Variants in DCN observed in about 807,000 individuals in gnomAD.
DCN encodes the protein bone proteoglycan II.
DCN carries 17 observed loss-of-function variants against 36.5 expected under a neutral mutation model. The observed-to-expected ratio is 0.47, with a 90% CI of 0.32 to 0.70. The LOEUF (loss-of-function observed/expected upper bound fraction) is 0.70, where lower values mean the gene tolerates loss of function less well. DCN is among the 30% of genes least tolerant of loss of function. The pLI is 0.04. For synonymous variants in DCN, 163 were observed against 161.4 expected (o/e 1.01, Z -0.07); for missense variants, 389 against 430.1 (o/e 0.90, Z 0.84).
chr12:91,162,608 T>A (rs1414920521), intron 3 of DCN, among the ~76,000 whole-genome samples: 1 of 152,290 alleles, frequency 6.6e-6, no homozygotes, highest in East Asian at 1.9e-4. Flanking sequence ...ATGTTTATGC[T>A]CCCAACATTA....
intron 2 of DCN, chr12:91,172,600 G>A (rs1464938509): frequency 2.1e-6 from 1 of 481,164 alleles, no homozygotes; most frequent in Non-Finnish European, 3.7e-6. Context: ...AAGCTTCCTG[G>A]TTTTACAGTT....
rs780984671 is a variant in DCN, at chr12:91,157,102, C to G, written c.625G>C (p.Asp209His). The change falls in exon 5 of 8, where the codon GAT becomes CAT. Residue 209 changes from aspartate (D) to histidine (H), a missense_variant. Physicochemically the swap from Asp to His is moderately conservative, Grantham distance 81. Transcript: ENST00000052754. ...TGAGGAATGCTGGTGATATTGGTATCAGCAATGCGGATGTAGGAGAGCTTC... is the reference window on the plus strand; with the variant it reads ...TGAGGAATGCTGGTGATATTGGTATGAGCAATGCGGATGTAGGAGAGCTTC... Reference protein sequence around the residue: ...MKKLSYIRIADTNITSIPQGL... With the variant: ...MKKLSYIRIAHTNITSIPQGL... The G allele has an allele frequency of 4.3e-6, 7 of 1,610,166 alleles. No individual in the cohort carries two copies. The African/African-American group carries it at 9.4e-5, about 22-fold the overall frequency.
intron 2 of DCN, chr12:91,175,219 A>C (rs1192114571): frequency 1.3e-5 from 2 of 152,080 alleles, no homozygotes; most frequent in East Asian, 3.8e-4. Flanking sequence ...AAAGAAGACA[A>C]GATATGGGTC....
chr12:91,146,163 C>G lies in DCN; in HGVS notation c.975G>C (p.Ser325=). 6.2e-7 allele frequency: 1 copy of G among 1,613,424 alleles called. No individual in the cohort carries two copies. Among genetic ancestry groups the G allele is most frequent in the Non-Finnish European group, 8.5e-7 (1 of 1,179,584 alleles). The change falls in exon 8 of 8, where the codon TCG becomes TCC. Residue 325 remains serine, a synonymous_variant. Transcript: ENST00000052754. Reference sequence around the variant, plus strand: ...CCGGGTTGCTGAAAAGACTCACACCCGAATAAGAAGCCTTTTTGGTGTTGT... The same window carrying G: ...CCGGGTTGCTGAAAAGACTCACACCGGAATAAGAAGCCTTTTTGGTGTTGT... ...PGHNTKKASY[S]GVSLFSNPVQ...
chr12:91,182,275 T>A (rs922610396), intron 1 of DCN, among the ~76,000 whole-genome samples: 1 of 152,034 alleles, frequency 6.6e-6, no homozygotes, highest in Non-Finnish European at 1.5e-5. Context: ...GAAAAATACA[T>A]TTTTTAAATA....
In DCN at chr12:91,146,090, G is replaced by A. The variant is rs751102416; in HGVS notation, c.1048C>T (p.Arg350Cys). Residue 350 changes from arginine (R) to cysteine (C), a missense_variant, in exon 8 of 8, where the codon CGC (arginine) becomes TGC (cysteine). Coordinates refer to ENST00000052754, the MANE Select transcript of DCN (RefSeq NM_001920.5). ...QPSTFRCVYV[R>C]SAIQLGNYK ...TAGTTTCCGAGTTGAATGGCAGAGCGCACGTAGACACATCTGAAGGTGGAT... is the reference window on the plus strand; with the variant it reads ...TAGTTTCCGAGTTGAATGGCAGAGCACACGTAGACACATCTGAAGGTGGAT... The A allele has an allele frequency of 4.3e-6, 7 of 1,613,888 alleles. No individual in the cohort carries two copies. Among genetic ancestry groups the A allele is most frequent in the South Asian group, 2.2e-5 (2 of 91,068 alleles).
intron 2 of DCN, among the ~76,000 whole-genome samples, chr12:91,170,313 C>G (rs1367100826): frequency 6.6e-6 from 1 of 152,086 alleles, no homozygotes; most frequent in Non-Finnish European, 1.5e-5. Context: ...GTAACTCTTT[C>G]TTTTCTGTAC....
At chr12:91,151,839 T>C in intron 6 of DCN, 47 bp from the exon 7 acceptor site, 1 of 1,610,542 alleles carries the variant, frequency 6.2e-7, no homozygotes, top group Non-Finnish European at 8.5e-7. Flanking sequence ...CATGGATGCC[T>C]TTCTTACAAG....
intron 4 of DCN, among the ~76,000 whole-genome samples, chr12:91,157,783 C>A (rs6538262): frequency 5.6e-4 from 86 of 152,216 alleles, no homozygotes; most frequent in African/African-American, 2.0e-3. Flanking sequence ...CCCCCACCAC[C>A]ACGCCCGGCT....
chr12:91,167,409 C>A (rs1216082315), intron 2 of DCN, among the ~76,000 whole-genome samples: 2 of 149,220 alleles, frequency 1.3e-5, no homozygotes, highest in African/African-American at 5.0e-5. Context: ...AAAAAAAAAA[C>A]AATAAAAGCA....
chr12:91,148,333 A>G (rs572652196), intron 7 of DCN, among the ~76,000 whole-genome samples: 1 of 152,048 alleles, frequency 6.6e-6, no homozygotes, highest in South Asian at 2.1e-4. Flanking sequence ...TCAGCCTCCC[A>G]AAGTGCTGGG....
intron 5 of DCN, among the ~76,000 whole-genome samples, chr12:91,154,606 T>C (rs915612359): frequency 6.6e-6 from 1 of 152,154 alleles, no homozygotes; most frequent in African/African-American, 2.4e-5. Context: ...AGGTTTGAGA[T>C]AGACAAATTT....
chr12:91,145,534 A>C lies in DCN; in HGVS notation c.*524T>G, dbSNP rs372885015. On this transcript the variant is annotated 3_prime_UTR_variant, in exon 8 of 8. Coordinates refer to ENST00000052754, the MANE Select transcript of DCN (RefSeq NM_001920.5). ...AAGCTTGTATACAATAGTAATTTTG[A>C]ATGTATTTTTAAATTTATTTTTTCA... 19 of 168,532 alleles carry C rather than the reference A, an allele frequency of 1.1e-4. No individual in the cohort carries two copies. Among genetic ancestry groups the C allele is most frequent in the African/African-American group, 4.1e-4 (17 of 41,698 alleles). The allele number at this position is 168,532 out of a possible 1,614,324, so 10.4% of individuals were successfully genotyped here.
intron 1 of DCN, among the ~76,000 whole-genome samples, chr12:91,179,994 C>G (rs944717801): frequency 4.6e-5 from 7 of 152,046 alleles, no homozygotes; most frequent in African/African-American, 1.7e-4. Context: ...GTTAAATCAA[C>G]TGAAGTGCAC....
intron 7 of DCN, chr12:91,151,272 T>G (rs897495079): frequency 8.7e-6 from 2 of 230,724 alleles, no homozygotes; most frequent in Non-Finnish European, 1.7e-5. Flanking sequence ...AAAGAAGCTC[T>G]TTCCAGTCAA....
At chr12:91,176,473 C>CAGTGCAGTA (rs1467961423) in intron 2 of DCN, 2 of 152,086 alleles carry the variant, frequency 1.3e-5, no homozygotes, top group African/African-American at 4.8e-5. Flanking sequence ...GATCCCAAGT[C>CAGTGCAGTA]AGTGAACTTG....
chr12:91,144,167 T>C lies in DCN; in HGVS notation c.*1891A>G, dbSNP rs1235896758. 1 of 152,126 alleles carries C rather than the reference T, an allele frequency of 6.6e-6. No individual in the cohort carries two copies. The highest frequency in any genetic ancestry group is 1.5e-5 in the Non-Finnish European group (1 of 68,044). 9.4% of individuals were successfully genotyped at this position (152,126 alleles called of 1,614,324 possible). A position where few individuals can be genotyped will look rare whatever the true frequency, so the allele number is the denominator to read the frequency against. ...TCATTCAAGGCTATAACATGGAGTG[T>C]GCATCATTGAAGGCTACAACATGAA... is the stretch of plus-strand genomic sequence containing the variant. On this transcript the variant is annotated 3_prime_UTR_variant, in exon 8 of 8. Transcript: ENST00000052754.
rs1181815837 is a variant in DCN at position 91,142,112 on chromosome 12, G to C, written c.*3946C>G. On this transcript the variant is annotated 3_prime_UTR_variant, in exon 8 of 8. Transcript: ENST00000052754. ...TTGAAATAATTGTGACAGATGGTGT[G>C]CTTGAATACATAAACAGATCCACTA... 6.6e-6 allele frequency: 1 copy of C among 152,198 alleles called. No individual in the cohort carries two copies. Among genetic ancestry groups the C allele is most frequent in the East Asian group, 1.9e-4 (1 of 5,196 alleles). The allele number at this position is 152,198 out of a possible 1,614,324, so 9.4% of individuals were successfully genotyped here.
Position 91,178,415 on chromosome 12 carries a change from G to C in DCN, c.138C>G (p.Phe46Leu). 1.2e-6 allele frequency: 2 copies of C among 1,613,948 alleles called. No homozygotes were observed. The highest frequency in any genetic ancestry group is 1.1e-5 in the South Asian group (1 of 91,062). The change falls in exon 2 of 8, where the codon TTC becomes TTG. Residue 46 changes from phenylalanine (F) to leucine (L), a missense_variant. Physicochemically the swap from Phe to Leu is conservative, Grantham distance 22 (BLOSUM62 0). Transcript: ENST00000052754. Reference sequence around the variant, plus strand: ...GGCACACTGGGCCTAGGGAGGGCTCGAAGTCGCGGTCATCAGGAACTTCTG... The same window carrying C: ...GGCACACTGGGCCTAGGGAGGGCTCCAAGTCGCGGTCATCAGGAACTTCTG... Reference protein sequence around the residue: ...IGPEVPDDRDFEPSLGPVCPF... With the variant: ...IGPEVPDDRDLEPSLGPVCPF...
Sources: gnomAD v4.1 joint callset for allele counts (sites outside exome capture counted in the v4.1 genomes callset) on GRCh38, gnomAD v4.1.1 for gene constraint, MANE v1.5 for transcripts, NCBI Gene and HGNC (gene_info 2026-07-23, HGNC 2026-07-21) for gene names.